Variants in RHOU observed in about 807,000 individuals in gnomAD.
RHOU encodes the protein ras homolog family member U.
RHOU carries 8 observed loss-of-function variants against 12.6 expected under a neutral mutation model. The ratio of observed to expected loss-of-function variants is 0.64; its 90% CI spans 0.37 to 1.15. The LOEUF is 1.15. RHOU is among the 50% of genes most tolerant of loss of function. The pLI, the probability that RHOU is intolerant of heterozygous loss-of-function variation, is 0.01. For missense variants in RHOU, 258 were observed against 347.0 expected, an observed-to-expected ratio of 0.74 and a Z score of 2.04; for synonymous variants, 161 against 147.4, an observed-to-expected ratio of 1.09 and a Z score of -0.67.
chr1:228,687,628 T>G, the RHOU span: 7 of 1,561,750 alleles, frequency 4.5e-6, no homozygotes, highest in Middle Eastern at 1.9e-4. Flanking sequence ...CTACTGGAAC[T>G]GCACAAACTG....
chr1:228,661,998 A>C, the RHOU span, among the ~76,000 whole-genome samples: 89,507 of 152,020 alleles, frequency 0.59, 28,095 homozygotes, highest in African/African-American at 0.82. Flanking sequence ...AAACAAACAA[A>C]CCCATCAAAA....
At chr1:228,709,698 G>A in the RHOU span, among the ~76,000 whole-genome samples, 1 of 149,526 alleles carries the variant, frequency 6.7e-6, no homozygotes, top group Admixed American at 6.7e-5. Flanking sequence ...ATGCCCACAA[G>A]AGAAAGCAGG....
rs202084578 is a variant in RHOU at position 228,737,694 on chromosome 1, G to A, written c.284G>A (p.Arg95Gln). 6.8e-6 allele frequency: 11 copies of A among 1,614,128 alleles called. No individual in the cohort carries two copies. In the Admixed American group the frequency reaches 1.2e-4, roughly 17 times the overall value. Residue 95 changes from arginine to glutamine, a missense_variant, in exon 2 of 3, where the codon CGG becomes CAG. Physicochemically the swap from Arg to Gln is conservative, Grantham distance 43. Coordinates refer to ENST00000366691, the MANE Select transcript of RHOU (RefSeq NM_021205.6). This position sits in a 1 kb window ranked among gnomAD's most constrained non-coding sequence, Gnocchi z 4.1. ...NFSAVVSVDG[R>Q]PVRLQLCDTA... ...TAAGCGGTGGTGTCTGTGGATGGGC[G>A]GCCCGTGAGACTCCAACTCTGTGAC...
the RHOU span, among the ~76,000 whole-genome samples, chr1:228,695,650 T>C: frequency 1.3e-5 from 2 of 152,122 alleles, no homozygotes; most frequent in African/African-American, 2.4e-5. Context: ...TTACAAAGGA[T>C]ACAAATGAAA....
chr1:228,677,724 A>G, the RHOU span, among the ~76,000 whole-genome samples: 1 of 152,164 alleles, frequency 6.6e-6, no homozygotes, highest in African/African-American at 2.4e-5. Context: ...TCAGGGTGAA[A>G]GTATTGGAGG....
intron 2 of RHOU, among the ~76,000 whole-genome samples, chr1:228,740,203 G>T (rs1444042151): frequency 6.6e-6 from 1 of 152,130 alleles, no homozygotes; most frequent in Non-Finnish European, 1.5e-5. Context: ...GCACAAAAAA[G>T]TTTATAATTA....
chr1:228,649,465 A>C, the RHOU span, among the ~76,000 whole-genome samples: 4 of 152,316 alleles, frequency 2.6e-5, no homozygotes, highest in South Asian at 8.3e-4. Context: ...TGTTTTTATT[A>C]GGTTTTTGAT....
the RHOU span, among the ~76,000 whole-genome samples, chr1:228,682,281 C>T: frequency 6.6e-6 from 1 of 152,176 alleles, no homozygotes; most frequent in East Asian, 1.9e-4. Context: ...TGGATCTCTT[C>T]ACGGAGTGAG....
the RHOU span, among the ~76,000 whole-genome samples, chr1:228,697,451 G>A: frequency 6.6e-6 from 1 of 152,212 alleles, no homozygotes; most frequent in Non-Finnish European, 1.5e-5. Context: ...TCCAGCATCT[G>A]CTTGCTTGGT....
the RHOU span, among the ~76,000 whole-genome samples, chr1:228,686,444 A>G: frequency 1.3e-5 from 2 of 152,214 alleles, no homozygotes; most frequent in African/African-American, 4.8e-5. Flanking sequence ...CAATAAAAAT[A>G]TATAAAATAC....
At chr1:228,646,747 C>G in the RHOU span, among the ~76,000 whole-genome samples, 3 of 151,994 alleles carry the variant, frequency 2.0e-5, no homozygotes, top group Admixed American at 6.6e-5. Flanking sequence ...CACACACAGA[C>G]ACACCCGTTC....
the RHOU span, among the ~76,000 whole-genome samples, chr1:228,674,832 G>A: frequency 6.6e-6 from 1 of 151,934 alleles, no homozygotes; most frequent in Non-Finnish European, 1.5e-5. Context: ...TCGGGTTCAC[G>A]CCGTTCTCCT....
the RHOU span, among the ~76,000 whole-genome samples, chr1:228,699,909 G>C: frequency 6.6e-6 from 1 of 152,156 alleles, no homozygotes; most frequent in Non-Finnish European, 1.5e-5. Flanking sequence ...TGGCCTATCA[G>C]ATAGCAGAAT....
At chr1:228,690,167 TTTTGTTTG>T in the RHOU span, among the ~76,000 whole-genome samples, 2 of 151,838 alleles carry the variant, frequency 1.3e-5, no homozygotes, top group Non-Finnish European at 2.9e-5. Context: ...AAAAGATTTG[TTTTGTTTG>T]TTTGTTTGTT....
At chr1:228,739,937 C>T (rs1354949242) in intron 2 of RHOU, among the ~76,000 whole-genome samples, 1 of 152,184 alleles carries the variant, frequency 6.6e-6, no homozygotes, top group Non-Finnish European at 1.5e-5. Context: ...TGTGGGCCTG[C>T]CCCTTAATAG....
chr1:228,655,956 A>G, the RHOU span, among the ~76,000 whole-genome samples: 1 of 152,214 alleles, frequency 6.6e-6, no homozygotes, highest in Non-Finnish European at 1.5e-5. Context: ...CTTACATAAA[A>G]AAATACTGTG....
chr1:228,737,615 G>C lies in RHOU; in HGVS notation c.263-58G>C. ...ATGATAGTGAAAGCTAAAACTATTA[G>C]TATTCCGAAAGGGGTTAAAAGACAC... On this transcript the variant is annotated intron_variant, in intron 1 of 2. Transcript: ENST00000366691. The surrounding 1 kb of genome is among the most constrained non-coding windows in gnomAD (Gnocchi z 4.1). 2.7e-6 allele frequency: 4 copies of C among 1,479,454 alleles called. No individual in the cohort carries two copies. The highest frequency in any genetic ancestry group is 3.8e-6 in the Non-Finnish European group (4 of 1,057,500). 91.6% of individuals were successfully genotyped at this position (1,479,454 alleles called of 1,614,324 possible).
At chr1:228,685,840 G>T in the RHOU span, among the ~76,000 whole-genome samples, 1 of 152,008 alleles carries the variant, frequency 6.6e-6, no homozygotes, top group Non-Finnish European at 1.5e-5. Context: ...TTTGTCTACC[G>T]ACTCCTTTCT....
At chr1:228,660,160 T>G in the RHOU span, among the ~76,000 whole-genome samples, 1 of 151,392 alleles carries the variant, frequency 6.6e-6, no homozygotes, top group Non-Finnish European at 1.5e-5. Flanking sequence ...CTCAAATAAA[T>G]AAATGAATAG....
Sources: allele counts gnomAD v4.1 joint callset (sites outside exome capture counted in the v4.1 genomes callset), GRCh38; gene constraint gnomAD v4.1.1; non-coding constraint Gnocchi (gnomAD v3.1); transcripts MANE v1.5; gene names NCBI Gene and HGNC (gene_info 2026-07-23, HGNC 2026-07-21).